Variants in PHEX observed in about 807,000 individuals in gnomAD.
The protein encoded by PHEX is phosphate regulating endopeptidase X-linked, also known as phosphate-regulating neutral endopeptidase PHEX.
A neutral mutation model predicts 68.0 loss-of-function variants in PHEX; 16 were observed. The ratio of observed to expected loss-of-function variants is 0.24; its 90% confidence interval spans 0.16 to 0.36. The LOEUF is 0.36. Ranked by LOEUF, PHEX falls within the 10% of genes least tolerant of loss-of-function variation. The pLI, the probability that PHEX is intolerant of heterozygous loss-of-function variation, is 1.00. For synonymous variants in PHEX, 208 were observed against 205.1 expected (o/e 1.01, Z -0.12); for missense variants, 480 against 575.5 (o/e 0.83, Z 1.70).
chrX:22,125,469 AT>A (rs749981441), intron 11 of PHEX, among the ~76,000 whole-genome samples: 32 of 111,185 alleles, frequency 2.9e-4, no homozygotes, highest in African/African-American at 4.2e-4. Context: ...AACCTTACTG[AT>A]TTTTTTTCTT....
chrX:22,129,462 G>A (rs1184545088), intron 11 of PHEX, among the ~76,000 whole-genome samples: 1 of 111,404 alleles, frequency 9.0e-6, no homozygotes. Context: ...CTCCCTTTAA[G>A]CAGAAGGTCT....
At position 22,052,736 on chromosome X, in the gene PHEX, A is replaced by G. The variant is rs537071449; in HGVS notation, c.349+5525A>G. Among the ~76,000 whole-genome samples the G allele has an allele frequency of 1.7e-4, 19 of 110,387 alleles. No homozygotes were observed. The South Asian group carries it at 6.3e-3, about 36-fold the overall frequency. ...TCTTATCTTTAAAATGGAGATAAGA[A>G]TATACATATCAGAGTATGCAAAGGC... On this transcript the variant is annotated intron_variant, in intron 3 of 21. Transcript: ENST00000379374.
chrX:22,078,897 A>C (rs746436258), intron 5 of PHEX, among the ~76,000 whole-genome samples: 13 of 111,937 alleles, frequency 1.2e-4, no homozygotes, highest in Non-Finnish European at 2.1e-4. Flanking sequence ...TGAGTTCCAG[A>C]GACAACTGTG....
intron 5 of PHEX, among the ~76,000 whole-genome samples, chrX:22,079,599 TA>T (rs1272910656): frequency 8.4e-4 from 87 of 103,687 alleles, no homozygotes; most frequent in Middle Eastern, 5.0e-3. Context: ...AACATGTCCT[TA>T]AAAAAAAAAA....
At chrX:22,130,053 ACT>A (rs1217617350) in intron 11 of PHEX, among the ~76,000 whole-genome samples, 2 of 110,854 alleles carry the variant, frequency 1.8e-5, no homozygotes, top group African/African-American at 3.3e-5. Context: ...AATGAATCTG[ACT>A]CTCTCTACGT....
At chrX:22,064,807 A>AT (rs1209703603) in intron 3 of PHEX, among the ~76,000 whole-genome samples, 5 of 111,701 alleles carry the variant, frequency 4.5e-5, no homozygotes, top group African/African-American at 6.5e-5. Context: ...AGGGAGAGAG[A>AT]TTTTTTTCCC....
intron 20 of PHEX, among the ~76,000 whole-genome samples, chrX:22,232,220 G>C (rs924874739): frequency 9.0e-6 from 1 of 111,607 alleles, no homozygotes; most frequent in Non-Finnish European, 1.9e-5. Context: ...CAATAAGAGC[G>C]ATGAGGTGCT....
chrX:22,222,039 A>G, intron 18 of PHEX, among the ~76,000 whole-genome samples: 1 of 111,816 alleles, frequency 8.9e-6, no homozygotes, highest in Middle Eastern at 4.6e-3. Flanking sequence ...AATTTAGGTA[A>G]AAATCCATGT....
chrX:22,095,886 CG>C (rs1930113597), intron 7 of PHEX, among the ~76,000 whole-genome samples: 1 of 112,249 alleles, frequency 8.9e-6, no homozygotes, highest in African/African-American at 3.2e-5. Context: ...CAGCCAAATA[CG>C]TCCTTGTAAT....
At chrX:22,144,299 G>C (rs1291908669) in intron 12 of PHEX, among the ~76,000 whole-genome samples, 1 of 111,486 alleles carries the variant, frequency 9.0e-6, no homozygotes, top group Non-Finnish European at 1.9e-5. Context: ...GAATGAAAAA[G>C]TGATGCCAGT....
At chrX:22,164,330 ACT>A (rs982309089) in intron 12 of PHEX, among the ~76,000 whole-genome samples, 5 of 111,314 alleles carry the variant, frequency 4.5e-5, no homozygotes, top group African/African-American at 1.3e-4. Context: ...GAAGAAGAAC[ACT>A]CTCTTCAGAT....
chrX:22,178,060 A>ATGAC (rs1933763855), intron 13 of PHEX, among the ~76,000 whole-genome samples: 1 of 112,329 alleles, frequency 8.9e-6, no homozygotes, highest in African/African-American at 3.2e-5. Flanking sequence ...TGATCCAGAA[A>ATGAC]TGACTATATT....
rs778927819 is a variant in PHEX at position 22,146,005 on chromosome X, C to T, written c.1404+12381C>T. On this transcript the variant is annotated intron_variant, in intron 12 of 21. Coordinates refer to ENST00000379374, the MANE Select transcript of PHEX (RefSeq NM_000444.6). ...ATGTGTTTAAATTTGTTATGATCAT[C>T]ATTCACTGAAGCTCAGATTGTCCCA... Among the ~76,000 whole-genome samples the T allele has an allele frequency of 5.3e-5, 6 of 112,356 alleles. No homozygotes were observed. In the East Asian group the frequency reaches 1.7e-3, roughly 31 times the overall value.
chrX:22,096,901 T>C (rs950144148), intron 7 of PHEX, 54 bp from the exon 8 acceptor site: 35 of 914,752 alleles, frequency 3.8e-5, no homozygotes, highest in Non-Finnish European at 5.4e-5. Context: ...GAAGTAATCA[T>C]ACAGTAAGAA....
chrX:22,092,824 A>G (rs1210184842), intron 6 of PHEX, among the ~76,000 whole-genome samples: 2 of 94,314 alleles, frequency 2.1e-5, no homozygotes, highest in Non-Finnish European at 4.0e-5. Flanking sequence ...ATCTCGGCTC[A>G]CTGCAACCTC....
At chrX:22,102,018 A>C (rs768545718) in intron 9 of PHEX, among the ~76,000 whole-genome samples, 3 of 111,807 alleles carry the variant, frequency 2.7e-5, no homozygotes, top group Non-Finnish European at 5.6e-5. Flanking sequence ...TAATAATCAC[A>C]TCAAGGTAAA....
intron 3 of PHEX, among the ~76,000 whole-genome samples, chrX:22,051,530 C>CA (rs1006643681): frequency 3.0e-4 from 33 of 108,987 alleles, no homozygotes; most frequent in Admixed American, 1.2e-3. Flanking sequence ...AATTCTATCT[C>CA]AAAAAAAACA....
chrX:22,210,669 T>G (rs1305236598), intron 15 of PHEX, among the ~76,000 whole-genome samples: 1 of 111,367 alleles, frequency 9.0e-6, no homozygotes, highest in Admixed American at 9.6e-5. Flanking sequence ...CCACAAATAT[T>G]TAAGGAAATG....
intron 20 of PHEX, among the ~76,000 whole-genome samples, chrX:22,229,557 T>C (rs1426338417): frequency 8.9e-6 from 1 of 112,659 alleles, no homozygotes; most frequent in Non-Finnish European, 1.9e-5. Flanking sequence ...GAGAAATGTC[T>C]GTTCGTAGCC....
Sources: gnomAD v4.1 joint callset for allele counts (sites outside exome capture counted in the v4.1 genomes callset) on GRCh38, gnomAD v4.1.1 for gene constraint, MANE v1.5 for transcripts, NCBI Gene and HGNC (gene_info 2026-07-23, HGNC 2026-07-21) for gene names.